Variants in UTS2B observed in about 807,000 individuals in gnomAD.
The protein encoded by UTS2B is urotensin-2B.
In UTS2B, 21 loss-of-function variants were observed where a neutral mutation model predicts 19.2. That is an observed-to-expected ratio of 1.09 (90% CI 0.78 to 1.58). The LOEUF (loss-of-function observed/expected upper bound fraction) is 1.58. Ranked by LOEUF, UTS2B falls within the 40% of genes most tolerant of loss-of-function variation. The pLI is 0.00. For synonymous variants in UTS2B, 57 were observed against 50.2 expected (o/e 1.14, Z -0.58); for missense variants, 138 against 130.3 (o/e 1.06, Z -0.29).
At chr3:191,302,224 G>C (rs1027069433) in intron 4 of UTS2B, among the ~76,000 whole-genome samples, 11 of 152,128 alleles carry the variant, frequency 7.2e-5, no homozygotes, top group African/African-American at 2.7e-4. Flanking sequence ...AGACACTCCC[G>C]CCAGCATCAT....
intron 2 of UTS2B, chr3:191,328,263 T>C (rs1036453717): frequency 2.0e-5 from 3 of 152,216 alleles, no homozygotes; most frequent in African/African-American, 7.2e-5. Context: ...ATTACTAGCT[T>C]AAGCAAAACT....
At chr3:191,269,661 T>C (rs1716034184) in intron 8 of UTS2B, among the ~76,000 whole-genome samples, 1 of 152,184 alleles carries the variant, frequency 6.6e-6, no homozygotes, top group African/African-American at 2.4e-5. Context: ...CATGCCACCA[T>C]GCCTGGCCAA....
At position 191,295,739 on chromosome 3, in the gene UTS2B, C is replaced by T. The variant is rs77599221; in HGVS notation, c.-125+8753G>A. ...CAGTATTCACTGTCTTAGAAAATGG[C>T]ATGACCATTTACCCAGTAATTCATT... On this transcript the variant is annotated intron_variant, in intron 4 of 8. Coordinates refer to ENST00000340524, the MANE Select transcript of UTS2B (RefSeq NM_198152.5). 4.4e-3 allele frequency among the ~76,000 whole-genome samples: 674 copies of T among 152,060 alleles called. 26 individuals carry two copies. The highest frequency in any genetic ancestry group is 0.016 in the African/African-American group (655 of 41,326).
At chr3:191,300,754 T>C (rs977157428) in intron 4 of UTS2B, among the ~76,000 whole-genome samples, 8 of 152,188 alleles carry the variant, frequency 5.3e-5, no homozygotes, top group African/African-American at 1.9e-4. Flanking sequence ...TGACATCTGG[T>C]TGTTTAAAAG....
At chr3:191,275,108 T>G in intron 8 of UTS2B, 144 bp downstream of exon 8, 2 of 554,974 alleles carry the variant, frequency 3.6e-6, no homozygotes, top group Non-Finnish European at 6.3e-6. Context: ...ACACTTTTAT[T>G]GGAATATATT....
At chr3:191,305,545 T>C (rs1239664741) in intron 3 of UTS2B, among the ~76,000 whole-genome samples, 1 of 152,232 alleles carries the variant, frequency 6.6e-6, no homozygotes, top group African/African-American at 2.4e-5. Context: ...AAATTCCTTA[T>C]AGATGCTGGA....
upstream of UTS2B, among the ~76,000 whole-genome samples, chr3:191,335,393 T>G (rs948669796): frequency 6.6e-6 from 1 of 152,200 alleles, no homozygotes; most frequent in Non-Finnish European, 1.5e-5. Context: ...TGTCCTGTGC[T>G]TCAAAAATGT....
intron 4 of UTS2B, among the ~76,000 whole-genome samples, chr3:191,288,263 A>G (rs1400341039): frequency 6.6e-6 from 1 of 152,206 alleles, no homozygotes; most frequent in East Asian, 1.9e-4. Flanking sequence ...GTACAGAAAT[A>G]GAAATAAAAG....
chr3:191,328,839 T>C (rs1375764912), intron 1 of UTS2B, 130 bp from the exon 2 acceptor site: 1 of 152,198 alleles, frequency 6.6e-6, no homozygotes, highest in Non-Finnish European at 1.5e-5. Flanking sequence ...TCATGCGATT[T>C]TGATGAATGA....
intron 3 of UTS2B, among the ~76,000 whole-genome samples, chr3:191,312,114 T>G (rs187480347): frequency 5.3e-5 from 8 of 149,868 alleles, no homozygotes; most frequent in African/African-American, 1.2e-4. Flanking sequence ...GTTGCGCCAC[T>G]GCACTCCAGC....
rs565775992 is a variant in UTS2B, at chr3:191,282,270, AG to A, written c.-82del. On this transcript the variant is annotated 5_prime_UTR_variant, in exon 5 of 9. Transcript: ENST00000340524. ...TATTTCTATAGCTTTGGAATTCAGTAGAGCTTAGTTGCAAAAGGCAAGTGTG... is the reference window on the plus strand; with the variant it reads ...TATTTCTATAGCTTTGGAATTCAGTAAGCTTAGTTGCAAAAGGCAAGTGTG... 343 of 1,058,978 alleles carry A rather than the reference AG, an allele frequency of 3.2e-4. 1 individual carries two copies. The African/African-American group carries it at 5.1e-3, about 16-fold the overall frequency. The allele number at this position is 1,058,978 out of a possible 1,614,324, so 65.6% of individuals were successfully genotyped here.
chr3:191,332,020 C>T (rs1415959163), upstream of UTS2B, among the ~76,000 whole-genome samples: 1 of 152,108 alleles, frequency 6.6e-6, no homozygotes, highest in African/African-American at 2.4e-5. Flanking sequence ...TATGCAGTTA[C>T]AATTTATATT....
intron 4 of UTS2B, chr3:191,294,837 T>C (rs1390958905): frequency 6.6e-6 from 1 of 151,710 alleles, no homozygotes; most frequent in Non-Finnish European, 1.5e-5. Context: ...GAGACCAGCC[T>C]GAACAACATG....
At chr3:191,307,549 T>C (rs1717173244) in intron 3 of UTS2B, among the ~76,000 whole-genome samples, 2 of 152,336 alleles carry the variant, frequency 1.3e-5, no homozygotes, top group African/African-American at 4.8e-5. Context: ...AGGATAAATT[T>C]GGACTGGCTA....
chr3:191,295,832 T>C (rs948619067), intron 4 of UTS2B, among the ~76,000 whole-genome samples: 2 of 152,212 alleles, frequency 1.3e-5, no homozygotes, highest in African/African-American at 4.8e-5. Flanking sequence ...ATTAAGTCTC[T>C]TAAATACTTC....
chr3:191,309,843 A>G, intron 3 of UTS2B, among the ~76,000 whole-genome samples: 1 of 152,154 alleles, frequency 6.6e-6, no homozygotes, highest in Non-Finnish European at 1.5e-5. Context: ...AGGCCTCTCC[A>G]CAAGCTGATG....
chr3:191,345,819 G>C, the UTS2B span, among the ~76,000 whole-genome samples: 1 of 152,168 alleles, frequency 6.6e-6, no homozygotes, highest in Non-Finnish European at 1.5e-5. Flanking sequence ...TTACTTTTCA[G>C]AATGATTCTT....
intron 2 of UTS2B, among the ~76,000 whole-genome samples, chr3:191,321,514 T>C (rs1425711573): frequency 6.6e-6 from 1 of 152,228 alleles, no homozygotes; most frequent in Non-Finnish European, 1.5e-5. Context: ...AAAGGAGCTT[T>C]TCAGCCTTTA....
intron 2 of UTS2B, among the ~76,000 whole-genome samples, chr3:191,326,109 T>A (rs1356611474): frequency 3.3e-5 from 5 of 152,232 alleles, no homozygotes; most frequent in Non-Finnish European, 5.9e-5. Context: ...GTGGGTCCCC[T>A]TTCCTGTTTT....
Sources: gnomAD v4.1 joint callset for allele counts (sites outside exome capture counted in the v4.1 genomes callset) on GRCh38, gnomAD v4.1.1 for gene constraint, MANE v1.5 for transcripts, NCBI Gene and HGNC (gene_info 2026-07-23, HGNC 2026-07-21) for gene names.